TANC1: variants seen among roughly 807,000 people sequenced by gnomAD.
TANC1 encodes protein TANC1.
A neutral mutation model predicts 149.7 loss-of-function variants in TANC1; 77 were observed. The ratio of observed to expected loss-of-function variants is 0.51; its 90% CI spans 0.43 to 0.62. The LOEUF (loss-of-function observed/expected upper bound fraction) is 0.62, where lower values mean the gene tolerates loss of function less well. Ranked by LOEUF, TANC1 falls within the 20% of genes least tolerant of loss-of-function variation. The probability of loss-of-function intolerance (pLI) is 0.00; values close to 1 mark genes in which losing one functional copy is unlikely to be tolerated. For synonymous variants in TANC1, 854 were observed against 925.0 expected (o/e 0.92, Z 1.39); for missense variants, 1,985 against 2,321.8 (o/e 0.85, Z 2.98).
intron 3 of TANC1, among the ~76,000 whole-genome samples, chr2:159,081,445 A>G (rs535341944): frequency 1.3e-5 from 2 of 152,036 alleles, no homozygotes; most frequent in South Asian, 4.2e-4. Flanking sequence ...GTGTCTGTGG[A>G]TTGAGAATGT....
At chr2:159,067,501 A>G (rs1156414826) in intron 3 of TANC1, among the ~76,000 whole-genome samples, 7 of 152,250 alleles carry the variant, frequency 4.6e-5, no homozygotes, top group Non-Finnish European at 4.4e-5. Context: ...CAGAATTTCC[A>G]TCCAGGGGGA....
intron 4 of TANC1, among the ~76,000 whole-genome samples, chr2:159,110,487 A>C (rs576372366): frequency 1.3e-5 from 2 of 152,250 alleles, no homozygotes; most frequent in South Asian, 4.2e-4. Flanking sequence ...TGTTTCTTTA[A>C]ATTTTTTGAA....
At position 158,989,422 on chromosome 2, in the gene TANC1, T is replaced by C. The variant is rs570864833; in HGVS notation, c.-125-11658T>C. Among the ~76,000 whole-genome samples the C allele has an allele frequency of 9.9e-5, 15 of 151,444 alleles. No individual in the cohort carries two copies. The East Asian group carries it at 2.7e-3, about 28-fold the overall frequency. On this transcript the variant is annotated intron_variant, in intron 1 of 26. Transcript: ENST00000263635. ...GGAGTTTGAGAGCAGCCTGGCAACG[T>C]AGTGAGACCTCATCTCTACTAAAAG...
chr2:158,987,649 T>G (rs935653652), intron 1 of TANC1, among the ~76,000 whole-genome samples: 7 of 152,170 alleles, frequency 4.6e-5, no homozygotes, highest in African/African-American at 1.7e-4. Flanking sequence ...ATGCATGTCT[T>G]TTTCTCAGGA....
intron 14 of TANC1, 148 bp downstream of exon 14, chr2:159,179,311 T>C: frequency 8.4e-7 from 1 of 1,184,294 alleles, no homozygotes; most frequent in Non-Finnish European, 1.2e-6. Flanking sequence ...TTTTTCTTCC[T>C]TTTTGGCAGA....
intron 1 of TANC1, among the ~76,000 whole-genome samples, chr2:158,970,171 A>G (rs982559061): frequency 2.0e-5 from 3 of 151,854 alleles, no homozygotes; most frequent in African/African-American, 7.3e-5. Flanking sequence ...AGAGGAAAGG[A>G]GAAACCTGGT....
intron 2 of TANC1, among the ~76,000 whole-genome samples, chr2:159,044,963 A>T (rs2040929402): frequency 6.6e-6 from 1 of 152,232 alleles, no homozygotes; most frequent in South Asian, 2.1e-4. Context: ...ACTTTGCGGG[A>T]TCCTGCCAAA....
In TANC1 at chr2:159,074,923, C is replaced by T. The variant is rs372051872; in HGVS notation, c.61+8952C>T. Reference sequence around the variant, plus strand: ...TTTCTGGTATCTCTTCTTATAAGAGCGCTAATCTCATCATGTGCTCATGTA... The same window carrying T: ...TTTCTGGTATCTCTTCTTATAAGAGTGCTAATCTCATCATGTGCTCATGTA... On this transcript the variant is annotated intron_variant, in intron 3 of 26. Coordinates refer to ENST00000263635, the MANE Select transcript of TANC1 (RefSeq NM_033394.3). 1.0e-3 allele frequency among the ~76,000 whole-genome samples: 154 copies of T among 152,112 alleles called. 1 individual carries two copies. Among genetic ancestry groups the T allele is most frequent in the African/African-American group, 3.6e-3 (148 of 41,490 alleles).
chr2:159,194,556 T>G (rs4665037), intron 17 of TANC1, 63 bp downstream of exon 17: 87,414 of 1,392,232 alleles, frequency 0.063, 3,926 homozygotes, highest in Admixed American at 0.21. Context: ...ATTGCTAGAA[T>G]TGTTATTTGC....
intron 2 of TANC1, among the ~76,000 whole-genome samples, chr2:159,057,245 C>A (rs1158510632): frequency 1.3e-5 from 2 of 152,228 alleles, no homozygotes; most frequent in African/African-American, 4.8e-5. Context: ...ACTTGCCTTC[C>A]TCTCATCTAC....
At chr2:159,228,703 G>C in intron 25 of TANC1, 93 bp from the exon 26 acceptor site, 2 of 838,976 alleles carry the variant, frequency 2.4e-6, no homozygotes, top group East Asian at 2.4e-5. Flanking sequence ...CTGTGCCTCA[G>C]AGCGCTGCTA....
chr2:159,170,548 A>G lies in TANC1; in HGVS notation c.1094A>G (p.Gln365Arg), dbSNP rs372195864. Residue 365 changes from glutamine (Q) to arginine (R), a missense_variant, in exon 10 of 27, where the codon CAA becomes CGA. By Grantham distance (43) the Gln-to-Arg change is conservative. This residue lies in a region of TANC1 where 557 missense variants were observed against 612.9 expected (regional missense o/e 0.91). Coordinates refer to ENST00000263635, the MANE Select transcript of TANC1 (RefSeq NM_033394.3). ...VKARFAPYKP[Q>R]DILLKPLLFE... The stretch of plus-strand genomic sequence containing the variant: ...GCACGATTTGCTCCCTACAAGCCAC[A>G]AGACATTTTGTTGAAACCCTTGTTG... The G allele has an allele frequency of 3.0e-5, 48 of 1,611,832 alleles. No individual in the cohort carries two copies. Among genetic ancestry groups the G allele is most frequent in the Non-Finnish European group, 4.1e-5 (48 of 1,178,098 alleles).
At chr2:159,146,934 TA>T (rs34335455) in intron 5 of TANC1, among the ~76,000 whole-genome samples, 38,643 of 148,158 alleles carry the variant, frequency 0.26, 5,679 homozygotes, top group Non-Finnish European at 0.35. Context: ...GTTTTTGGAT[TA>T]AAAAAAAAAA....
chr2:158,995,521 C>A (rs1250946991), intron 1 of TANC1, among the ~76,000 whole-genome samples: 1 of 152,164 alleles, frequency 6.6e-6, no homozygotes, highest in East Asian at 1.9e-4. Flanking sequence ...GCACATTACC[C>A]GAGGGCGGGA....
At chr2:158,991,974 C>T (rs866846363) in intron 1 of TANC1, among the ~76,000 whole-genome samples, 18 of 152,296 alleles carry the variant, frequency 1.2e-4, no homozygotes, top group South Asian at 4.1e-4. Context: ...AAATTAATCA[C>T]TCTTCCATCT....
chr2:159,060,030 C>G, intron 2 of TANC1: 1 of 526,232 alleles, frequency 1.9e-6, no homozygotes, highest in South Asian at 8.2e-5. Context: ...GCTTCAGACT[C>G]CCTGCTACCA....
chr2:159,056,039 G>T, intron 2 of TANC1: 1 of 320,460 alleles, frequency 3.1e-6, no homozygotes. Flanking sequence ...TTGTTGATAG[G>T]CATCTTCAAG....
At chr2:159,107,525 T>G (rs114917834) in intron 4 of TANC1, among the ~76,000 whole-genome samples, 94 of 152,350 alleles carry the variant, frequency 6.2e-4, no homozygotes, top group African/African-American at 2.0e-3. Context: ...TCTTGTGTGA[T>G]GTGAAGTAGG....
intron 2 of TANC1, among the ~76,000 whole-genome samples, chr2:159,014,153 A>G (rs2038039751): frequency 6.6e-6 from 1 of 152,208 alleles, no homozygotes; most frequent in Admixed American, 6.5e-5. Flanking sequence ...CACACTGCTG[A>G]TAAAGACATA....
Sources: allele counts gnomAD v4.1 joint callset (sites outside exome capture counted in the v4.1 genomes callset), GRCh38; gene constraint gnomAD v4.1.1; regional missense constraint gnomAD v4.1.1; transcripts MANE v1.5; gene names NCBI Gene and HGNC (gene_info 2026-07-23, HGNC 2026-07-21).